Variants in CORO2B observed in about 807,000 individuals in gnomAD.
CORO2B encodes the protein coronin-2B.
CORO2B carries 26 observed loss-of-function variants against 58.8 expected under a neutral mutation model. The observed-to-expected ratio is 0.44, with a 90% confidence interval of 0.32 to 0.61. The LOEUF (loss-of-function observed/expected upper bound fraction) is 0.61. Among genes scored for constraint, CORO2B ranks in the 20% least tolerant of loss-of-function variants. CORO2B has a pLI of 0.04. For missense variants in CORO2B, 460 were observed against 645.1 expected, an observed-to-expected ratio of 0.71 and a Z score of 3.11; for synonymous variants, 242 against 253.8, an observed-to-expected ratio of 0.95 and a Z score of 0.44.
intron 2 of CORO2B, among the ~76,000 whole-genome samples, chr15:68,658,981 C>A (rs1901923931): frequency 6.6e-6 from 1 of 152,266 alleles, no homozygotes. Context: ...CCTCGCCCAC[C>A]AATATCCACA....
chr15:68,644,261 G>C (rs926753267), intron 1 of CORO2B, among the ~76,000 whole-genome samples: 2 of 152,170 alleles, frequency 1.3e-5, no homozygotes, highest in Non-Finnish European at 2.9e-5. Context: ...CATGTGCTTT[G>C]TCATCACATG....
At chr15:68,545,374 T>C in the CORO2B span, among the ~76,000 whole-genome samples, 7 of 152,314 alleles carry the variant, frequency 4.6e-5, no homozygotes, top group Admixed American at 2.6e-4. Flanking sequence ...ATGGCCTTCA[T>C]ACTCTACCCC....
chr15:68,619,725 A>G (rs1470345729), intron 1 of CORO2B, among the ~76,000 whole-genome samples: 1 of 151,836 alleles, frequency 6.6e-6, no homozygotes, highest in Admixed American at 6.6e-5. Context: ...ACATATATGT[A>G]CATGTACATA....
At chr15:68,719,597 G>T in intron 11 of CORO2B, 45 bp downstream of exon 11, 1 of 1,570,032 alleles carries the variant, frequency 6.4e-7, no homozygotes, top group Non-Finnish European at 8.6e-7. Context: ...GGAAGAGCAA[G>T]ACCTTTACAT....
the CORO2B span, among the ~76,000 whole-genome samples, chr15:68,550,817 C>A: frequency 1.3e-5 from 2 of 152,226 alleles, no homozygotes; most frequent in Non-Finnish European, 2.9e-5. Flanking sequence ...CTCTTCATTT[C>A]CCAAAGGGGG....
chr15:68,690,389 A>G (rs1450577972), intron 2 of CORO2B, among the ~76,000 whole-genome samples: 2 of 152,038 alleles, frequency 1.3e-5, no homozygotes, highest in African/African-American at 2.4e-5. Context: ...TCTTAATTAC[A>G]TGCCTTTACC....
intron 7 of CORO2B, 108 bp from the exon 8 acceptor site, chr15:68,715,107 T>C: frequency 1.0e-6 from 1 of 977,102 alleles, no homozygotes; most frequent in Non-Finnish European, 1.6e-6. Context: ...TTTTTTTAAC[T>C]GCCCATGAGG....
chr15:68,632,157 G>C (rs999858223), intron 1 of CORO2B: 1 of 985,470 alleles, frequency 1.0e-6, no homozygotes, highest in Non-Finnish European at 1.2e-6. Context: ...GGTGATGTGA[G>C]TGCCTCCTGC....
intron 1 of CORO2B, among the ~76,000 whole-genome samples, chr15:68,608,211 C>T (rs950343035): frequency 6.6e-6 from 1 of 152,272 alleles, no homozygotes; most frequent in African/African-American, 2.4e-5. Flanking sequence ...TGCAGGCCCA[C>T]AGGCATCCTT....
At chr15:68,567,332 T>A in the CORO2B span, among the ~76,000 whole-genome samples, 1 of 152,180 alleles carries the variant, frequency 6.6e-6, no homozygotes, top group African/African-American at 2.4e-5. Context: ...AAAAGATGCC[T>A]TTATACTTAG....
At chr15:68,717,707 G>A (rs780711884) in intron 8 of CORO2B, among the ~76,000 whole-genome samples, 4 of 152,142 alleles carry the variant, frequency 2.6e-5, no homozygotes, top group Admixed American at 6.5e-5. Context: ...AACTCAGACC[G>A]AATCTGCTGG....
the CORO2B span, among the ~76,000 whole-genome samples, chr15:68,534,295 TGTG>T: frequency 9.8e-4 from 149 of 152,372 alleles, no homozygotes; most frequent in African/African-American, 3.5e-3. Flanking sequence ...CCTGCACATA[TGTG>T]TGCACACATG....
the CORO2B span, among the ~76,000 whole-genome samples, chr15:68,549,229 C>A: frequency 5.9e-5 from 9 of 152,184 alleles, no homozygotes; most frequent in African/African-American, 2.2e-4. Context: ...GTTTTAACGG[C>A]CATTTACAGT....
chr15:68,637,657 G>C (rs1037557308), intron 1 of CORO2B, among the ~76,000 whole-genome samples: 10 of 152,118 alleles, frequency 6.6e-5, no homozygotes, highest in African/African-American at 2.4e-4. Flanking sequence ...TTCTCTGACA[G>C]CACATGACCC....
At chr15:68,602,556 C>T (rs776777167) in intron 1 of CORO2B, among the ~76,000 whole-genome samples, 3 of 152,204 alleles carry the variant, frequency 2.0e-5, no homozygotes, top group East Asian at 3.8e-4. Flanking sequence ...CTCTCCCTAT[C>T]GTGTACTATG....
intron 1 of CORO2B, among the ~76,000 whole-genome samples, chr15:68,592,139 A>G (rs903854440): frequency 3.3e-5 from 5 of 151,650 alleles, no homozygotes; most frequent in African/African-American, 1.2e-4. Context: ...CCAACCACAC[A>G]TCCACTCCAG....
At chr15:68,562,026 T>G in the CORO2B span, among the ~76,000 whole-genome samples, 1 of 152,186 alleles carries the variant, frequency 6.6e-6, no homozygotes, top group Non-Finnish European at 1.5e-5. Context: ...GCAGGCCAAC[T>G]GGGACAAGCT....
At chr15:68,576,399 T>C (rs58662532), upstream of CORO2B, among the ~76,000 whole-genome samples, 700 of 152,224 alleles carry the variant, frequency 4.6e-3, 2 homozygotes, top group African/African-American at 0.015. Flanking sequence ...GGGCAGCAGA[T>C]TGATGTTCCT....
chr15:68,715,274 C>T lies in CORO2B; in HGVS notation c.930C>T (p.Leu310=). The change falls in exon 8 of 12, where the codon CTC becomes CTT. Residue 310 remains leucine, a synonymous_variant. Transcript: ENST00000261861. The part of the protein sequence containing the change: ...ISTEKPYLSY[L]MEFRSPAPQK... ...CTGAGAAGCCCTACCTGAGTTACCT[C>T]ATGGAGTTCCGCTCCCCAGCCCCGC... 1 of 1,614,072 alleles carries T rather than the reference C, an allele frequency of 6.2e-7. No homozygotes were observed. Among genetic ancestry groups the T allele is most frequent in the Non-Finnish European group, 8.5e-7 (1 of 1,179,990 alleles).
Sources: gnomAD v4.1 joint callset for allele counts (sites outside exome capture counted in the v4.1 genomes callset) on GRCh38, gnomAD v4.1.1 for gene constraint, MANE v1.5 for transcripts, NCBI Gene and HGNC (gene_info 2026-07-23, HGNC 2026-07-21) for gene names.